Variants in FLT1 observed in about 807,000 individuals in gnomAD.
FLT1 encodes the protein vascular endothelial growth factor receptor 1.
Under a neutral mutation model 156.3 loss-of-function variants are expected in FLT1, and 49 were observed. That is an observed-to-expected ratio of 0.31 (90% CI 0.25 to 0.40). FLT1 has a LOEUF of 0.40. FLT1 is among the 10% of genes least tolerant of loss of function. The probability of loss-of-function intolerance (pLI) is 1.00; values close to 1 mark genes in which losing one functional copy is unlikely to be tolerated. For synonymous variants in FLT1, 594 were observed against 583.8 expected (o/e 1.02, Z -0.25); for missense variants, 1,322 against 1,637.2 (o/e 0.81, Z 3.32).
rs1352720154 is a variant in FLT1, at chr13:28,322,824, T to A, written c.2919A>T (p.Glu973Asp). 1 of 1,614,162 alleles carries A rather than the reference T, an allele frequency of 6.2e-7. No homozygotes were observed. Among genetic ancestry groups the A allele is most frequent in the Non-Finnish European group, 8.5e-7 (1 of 1,180,030 alleles). The change falls in exon 21 of 30, where the codon GAA (glutamate) becomes GAT (aspartate). Residue 973 changes from glutamate (E) to aspartate (D), a missense_variant. Physicochemically the swap from Glu to Asp is conservative, Grantham distance 45. Transcript: ENST00000282397. The surrounding 1 kb of genome is among the most constrained non-coding windows in gnomAD (Gnocchi z 4.3). ...SESFASSGFQ[E>D]DKSLSDVEEE... ...CCTCAACATCACTCAGACTTTTATC[T>A]TCCTGAAAGCCGGAGCTCGCAAAGC...
intron 1 of FLT1, among the ~76,000 whole-genome samples, chr13:28,489,201 A>G (rs974094930): frequency 3.9e-5 from 6 of 152,356 alleles, no homozygotes; most frequent in Admixed American, 2.6e-4. Context: ...CAGTTACTTT[A>G]AGTAATCCCT....
chr13:28,313,270 C>A (rs529597179), intron 25 of FLT1, among the ~76,000 whole-genome samples: 1 of 152,148 alleles, frequency 6.6e-6, no homozygotes, highest in South Asian at 2.1e-4. Context: ...TGAGCCACTG[C>A]GCCCGGCCTC....
At chr13:28,318,837 A>G (rs1871314728) in intron 24 of FLT1, among the ~76,000 whole-genome samples, 1 of 152,192 alleles carries the variant, frequency 6.6e-6, no homozygotes, top group Non-Finnish European at 1.5e-5. Flanking sequence ...GTGTGCTTTG[A>G]ACAGGACTTC....
intron 23 of FLT1, among the ~76,000 whole-genome samples, chr13:28,320,619 C>T (rs1243482413): frequency 6.6e-6 from 1 of 151,542 alleles, no homozygotes; most frequent in Non-Finnish European, 1.5e-5. Flanking sequence ...AATTCTTCTT[C>T]TTCCAATGTG....
chr13:28,370,152 C>G (rs1488299630), intron 14 of FLT1, among the ~76,000 whole-genome samples: 1 of 151,882 alleles, frequency 6.6e-6, no homozygotes, highest in Non-Finnish European at 1.5e-5. Flanking sequence ...CCACTGCCTT[C>G]CAGCCTGGGC....
chr13:28,427,123 T>G (rs780382026), intron 10 of FLT1, 36 bp downstream of exon 10: 2 of 1,592,106 alleles, frequency 1.3e-6, no homozygotes, highest in Admixed American at 3.3e-5. Flanking sequence ...TGTCAAAAAG[T>G]ATTTGAAAGT....
chr13:28,491,878 G>T (rs1480335048), intron 1 of FLT1, among the ~76,000 whole-genome samples: 2 of 152,172 alleles, frequency 1.3e-5, no homozygotes, highest in African/African-American at 4.8e-5. Flanking sequence ...CGTTAGAAAA[G>T]AAACCAGATA....
At chr13:28,489,506 C>G (rs612564) in intron 1 of FLT1, among the ~76,000 whole-genome samples, 94,379 of 151,938 alleles carry the variant, frequency 0.62, 29,507 homozygotes, top group Admixed American at 0.67. Context: ...CTCAGGGCTA[C>G]AGGAGAGCAG....
intron 17 of FLT1, among the ~76,000 whole-genome samples, chr13:28,336,415 T>C (rs942312638): frequency 2.6e-5 from 4 of 152,224 alleles, no homozygotes; most frequent in Admixed American, 1.3e-4. Context: ...GATCTTTCTT[T>C]TCCCTTAAAA....
intron 12 of FLT1, 92 bp downstream of exon 12, chr13:28,396,868 A>G: frequency 1.3e-6 from 1 of 796,484 alleles, no homozygotes; most frequent in Non-Finnish European, 2.2e-6. Flanking sequence ...TTAAAAAAAA[A>G]TCACTCAAGC....
chr13:28,326,520 CTTTTTTTTTT>C (rs58719749), intron 20 of FLT1, among the ~76,000 whole-genome samples: 1 of 80,014 alleles, frequency 1.2e-5, no homozygotes, highest in Admixed American at 1.6e-4. Context: ...CTCTCTCTCT[CTTTTTTTTTT>C]TTTTTTTTTT....
intron 14 of FLT1, among the ~76,000 whole-genome samples, chr13:28,379,341 A>G (rs7994452): frequency 1.3e-5 from 2 of 152,296 alleles, no homozygotes; most frequent in South Asian, 4.2e-4. Flanking sequence ...CTCAAAAAAA[A>G]CAAAACAAAA....
intron 20 of FLT1, among the ~76,000 whole-genome samples, chr13:28,326,707 G>T (rs1026071144): frequency 2.0e-5 from 3 of 151,768 alleles, no homozygotes; most frequent in Non-Finnish European, 4.4e-5. Context: ...TGTATTTTTA[G>T]TAGAGACGGG....
At chr13:28,393,346 AG>A (rs1874851124) in intron 12 of FLT1, among the ~76,000 whole-genome samples, 1 of 152,214 alleles carries the variant, frequency 6.6e-6, no homozygotes, top group Non-Finnish European at 1.5e-5. Flanking sequence ...GGAATTTAAA[AG>A]GACGCCAGGG....
At chr13:28,345,740 T>G (rs1045629056) in intron 15 of FLT1, 189 bp from the exon 16 acceptor site, 1 of 592,654 alleles carries the variant, frequency 1.7e-6, no homozygotes, top group African/African-American at 1.9e-5. Context: ...TGAACTCACA[T>G]AGAAAAGGCA....
intron 16 of FLT1, among the ~76,000 whole-genome samples, chr13:28,344,607 A>C (rs567403186): frequency 6.6e-6 from 1 of 152,066 alleles, no homozygotes; most frequent in Admixed American, 6.6e-5. Context: ...CTCTTTTCCC[A>C]CTGGATTTCA....
At chr13:28,319,601 C>T in intron 23 of FLT1, 67 bp from the exon 24 acceptor site, 1 of 874,182 alleles carries the variant, frequency 1.1e-6, no homozygotes, top group Non-Finnish European at 1.9e-6. Context: ...CCCGAGTGTC[C>T]ATGGGGTCAC....
intron 16 of FLT1, among the ~76,000 whole-genome samples, chr13:28,340,631 A>G (rs1872297449): frequency 6.6e-6 from 1 of 152,202 alleles, no homozygotes; most frequent in African/African-American, 2.4e-5. Flanking sequence ...AAACGGGATC[A>G]GAGTTGGAAT....
intron 15 of FLT1, 105 bp from the exon 16 acceptor site, chr13:28,345,656 T>C (rs1872537619): frequency 4.0e-6 from 3 of 754,960 alleles, no homozygotes; most frequent in Non-Finnish European, 4.7e-6. Context: ...TGGTTTATCA[T>C]AGCGAACCCA....
Sources: gnomAD v4.1 joint callset for allele counts (sites outside exome capture counted in the v4.1 genomes callset) on GRCh38, gnomAD v4.1.1 for gene constraint, Gnocchi (gnomAD v3.1) non-coding constraint, MANE v1.5 for transcripts, NCBI Gene and HGNC (gene_info 2026-07-23, HGNC 2026-07-21) for gene names.